The following KCNQ5 variants were observed in gnomAD, a reference collection of about 807,000 sequenced individuals.
KCNQ5 encodes potassium voltage-gated channel subfamily Q member 5.
Under a neutral mutation model 98.2 loss-of-function variants are expected in KCNQ5, and 30 were observed. The ratio of observed to expected loss-of-function variants is 0.31; its 90% CI spans 0.23 to 0.41. The LOEUF is 0.41. Among genes scored for constraint, KCNQ5 ranks in the 10% least tolerant of loss-of-function variants. The pLI is 1.00. For missense variants in KCNQ5, 835 were observed against 1,182.5 expected, an observed-to-expected ratio of 0.71 and a Z score of 4.31; for synonymous variants, 458 against 449.4, an observed-to-expected ratio of 1.02 and a Z score of -0.24.
intron 2 of KCNQ5, among the ~76,000 whole-genome samples, chr6:73,011,822 T>C (rs1770074208): frequency 6.6e-6 from 1 of 151,026 alleles, no homozygotes; most frequent in African/African-American, 2.4e-5. Flanking sequence ...AATAAACATT[T>C]CTCAAAAAAA....
At chr6:72,692,490 T>C (rs1320125802) in intron 1 of KCNQ5, among the ~76,000 whole-genome samples, 2 of 152,362 alleles carry the variant, frequency 1.3e-5, no homozygotes, top group South Asian at 2.1e-4. Context: ...AATTAATTTG[T>C]TGGTTAAGGA....
intron 1 of KCNQ5, among the ~76,000 whole-genome samples, chr6:72,710,362 C>G (rs926390347): frequency 6.6e-6 from 1 of 152,096 alleles, no homozygotes; most frequent in Non-Finnish European, 1.5e-5. Flanking sequence ...ATTATCCAAT[C>G]AAAAGGCATA....
chr6:73,038,871 G>A (rs972643764), intron 2 of KCNQ5, among the ~76,000 whole-genome samples: 11 of 152,034 alleles, frequency 7.2e-5, no homozygotes, highest in African/African-American at 2.2e-4. Flanking sequence ...TAAAATCATT[G>A]AGAAAGTTTT....
At chr6:73,176,272 G>A (rs1262598473) in intron 11 of KCNQ5, among the ~76,000 whole-genome samples, 2 of 152,170 alleles carry the variant, frequency 1.3e-5, no homozygotes, top group African/African-American at 4.8e-5. Flanking sequence ...AATAGCAAGT[G>A]AGTTCTCATG....
intron 1 of KCNQ5, among the ~76,000 whole-genome samples, chr6:72,702,349 A>G (rs1430821348): frequency 6.6e-6 from 1 of 152,302 alleles, no homozygotes; most frequent in East Asian, 1.9e-4. Flanking sequence ...ACAATCACCA[A>G]TTCATGTGGC....
chr6:72,980,752 A>G (rs896605428), intron 1 of KCNQ5, among the ~76,000 whole-genome samples: 1 of 152,174 alleles, frequency 6.6e-6, no homozygotes, highest in Non-Finnish European at 1.5e-5. Context: ...GTCTTGTGCC[A>G]GTTTTCAAAG....
chr6:72,700,876 T>C (rs1336492852), intron 1 of KCNQ5, among the ~76,000 whole-genome samples: 1 of 152,204 alleles, frequency 6.6e-6, no homozygotes, highest in Non-Finnish European at 1.5e-5. Flanking sequence ...TGTGGAGGTT[T>C]TCTTTCTGCC....
chr6:72,961,621 CAAA>C (rs56813781), intron 1 of KCNQ5, among the ~76,000 whole-genome samples: 5 of 68,664 alleles, frequency 7.3e-5, no homozygotes, highest in South Asian at 1.1e-3. Flanking sequence ...GACTCCGTCT[CAAA>C]AAAAAAAAAA....
At chr6:73,149,806 A>AG (rs528364408) in intron 10 of KCNQ5, among the ~76,000 whole-genome samples, 17 of 144,234 alleles carry the variant, frequency 1.2e-4, no homozygotes, top group Middle Eastern at 3.6e-3. Flanking sequence ...AAAAAAAAAA[A>AG]AGAGAGAGAG....
At chr6:73,026,877 G>C (rs1010168078) in intron 2 of KCNQ5, among the ~76,000 whole-genome samples, 21 of 152,166 alleles carry the variant, frequency 1.4e-4, no homozygotes, top group Admixed American at 5.2e-4. Context: ...GCACAGAGAG[G>C]TTAAGTTAAA....
chr6:72,622,296 T>C lies in KCNQ5; in HGVS notation c.107T>C (p.Met36Thr). Residue 36 changes from methionine to threonine, a missense_variant, in exon 1 of 14, where the codon ATG (methionine) becomes ACG (threonine). This residue lies in a region of KCNQ5 where 80 missense variants were observed against 72.3 expected (regional missense o/e 1.11). Transcript: ENST00000370398. This position sits in a 1 kb window ranked among gnomAD's most constrained non-coding sequence, Gnocchi z 6.0. Reference protein sequence around the residue: ...AAGGGRLGSGMKDVESGRGRV... With the variant: ...AAGGGRLGSGTKDVESGRGRV... ...GGCGGGGGGCGCTTGGGCAGCGGCA[T>C]GAAGGATGTGGAGTCCGGCCGGGGC... The C allele has an allele frequency of 3.0e-6, 4 of 1,319,974 alleles. No homozygotes were observed. Among genetic ancestry groups the C allele is most frequent in the Non-Finnish European group, 3.9e-6 (4 of 1,038,484 alleles). The allele number at this position is 1,319,974 out of a possible 1,614,324, so 81.8% of individuals were successfully genotyped here. A position where few individuals can be genotyped will look rare whatever the true frequency, so the allele number is the denominator to read the frequency against.
At chr6:73,040,013 C>T (rs77333761) in intron 2 of KCNQ5, among the ~76,000 whole-genome samples, 2,598 of 146,532 alleles carry the variant, frequency 0.018, 68 homozygotes, top group African/African-American at 0.065. Context: ...TTGTCATTTT[C>T]CCCTCACCTT....
intron 10 of KCNQ5, among the ~76,000 whole-genome samples, chr6:73,151,796 T>C (rs760043186): frequency 2.0e-5 from 3 of 152,218 alleles, no homozygotes; most frequent in Non-Finnish European, 4.4e-5. Flanking sequence ...GATTCTCAGC[T>C]TTCAGGATCT....
chr6:72,746,064 CAAAAAAAAAAAAAAAAAAAAAAAAAA>C lies in KCNQ5; in HGVS notation c.398+123492_398+123517del, dbSNP rs59726566. On this transcript the variant is annotated intron_variant, in intron 1 of 13. Coordinates refer to ENST00000370398, the MANE Select transcript of KCNQ5 (RefSeq NM_019842.4). ...ATTATATCCGCAAAGACTCTATTTG[CAAAAAAAAAAAAAAAAAAAAAAAAAA>C]AAAAAAAAAAAAAAGGGTCACATTC... 8.7e-4 allele frequency among the ~76,000 whole-genome samples: 70 copies of C among 80,208 alleles called. 1 individual carries two copies. Among genetic ancestry groups the C allele is most frequent in the African/African-American group, 2.4e-3 (68 of 28,684 alleles). The allele number at this position is 80,208 out of a possible 152,430, so 52.6% of individuals were successfully genotyped here.
intron 2 of KCNQ5, among the ~76,000 whole-genome samples, chr6:73,021,118 T>G (rs1010003988): frequency 6.6e-6 from 1 of 152,224 alleles, no homozygotes; most frequent in Non-Finnish European, 1.5e-5. Flanking sequence ...AAGTTTACCC[T>G]GACTCTCCAG....
At chr6:72,918,299 C>T (rs1780251367) in intron 1 of KCNQ5, among the ~76,000 whole-genome samples, 1 of 152,018 alleles carries the variant, frequency 6.6e-6, no homozygotes, top group Non-Finnish European at 1.5e-5. Flanking sequence ...AAGTATGGGA[C>T]CCCTGTTTTT....
chr6:72,642,496 A>G (rs1006129867), intron 1 of KCNQ5, among the ~76,000 whole-genome samples: 1 of 152,162 alleles, frequency 6.6e-6, no homozygotes, highest in African/African-American at 2.4e-5. Flanking sequence ...GCCAACAAAC[A>G]TATGAAAAAA....
At chr6:72,742,159 GT>G (rs1288555311) in intron 1 of KCNQ5, among the ~76,000 whole-genome samples, 1 of 152,178 alleles carries the variant, frequency 6.6e-6, no homozygotes, top group Non-Finnish European at 1.5e-5. Context: ...CGGGGGAAGG[GT>G]TAAGAATCTC....
chr6:72,654,602 C>T (rs1766050097), intron 1 of KCNQ5, among the ~76,000 whole-genome samples: 1 of 152,004 alleles, frequency 6.6e-6, no homozygotes, highest in East Asian at 1.9e-4. Flanking sequence ...AGGCTGAAGA[C>T]ATATCAAGAG....
Sources: allele counts gnomAD v4.1 joint callset (sites outside exome capture counted in the v4.1 genomes callset), GRCh38; gene constraint gnomAD v4.1.1; regional missense constraint gnomAD v4.1.1; non-coding constraint Gnocchi (gnomAD v3.1); transcripts MANE v1.5; gene names NCBI Gene and HGNC (gene_info 2026-07-23, HGNC 2026-07-21).